GSDMB: variants seen among roughly 807,000 people sequenced by gnomAD.
GSDMB encodes gasdermin B.
Under a neutral mutation model 42.9 loss-of-function variants are expected in GSDMB, and 32 were observed. The ratio of observed to expected loss-of-function variants is 0.75; its 90% CI spans 0.56 to 1.00. The LOEUF (loss-of-function observed/expected upper bound fraction) is 1.00, where lower values mean the gene tolerates loss of function less well. Ranked by LOEUF, GSDMB falls within the 50% of genes least tolerant of loss-of-function variation. The pLI is 0.00. For synonymous variants in GSDMB, 175 were observed against 193.7 expected, an observed-to-expected ratio of 0.90 and a Z score of 0.80; for missense variants, 468 against 498.5, an observed-to-expected ratio of 0.94 and a Z score of 0.58.
chr17:39,917,255 T>C lies in GSDMB; in HGVS notation c.62A>G (p.Asp21Gly). The C allele has an allele frequency of 6.2e-7, 1 of 1,613,996 alleles. No individual in the cohort carries two copies. The highest frequency in any genetic ancestry group is 8.5e-7 in the Non-Finnish European group (1 of 1,179,872). Residue 21 changes from aspartate (D) to glycine (G), a missense_variant, in exon 2 of 11, where the codon GAT (aspartate) becomes GGT (glycine). Transcript: ENST00000418519. ...IVVKEMDAGGDMIAVRSLVDA... is the reference protein window; with the variant it reads ...IVVKEMDAGGGMIAVRSLVDA... ...AACAAGGCTTCTAACGGCAATCATA[T>C]CCCCTCCAGCATCCATCTCCTTAAC...
chr17:39,907,924 A>AG (rs1200309496), intron 6 of GSDMB, among the ~76,000 whole-genome samples: 1 of 152,050 alleles, frequency 6.6e-6, no homozygotes, highest in Non-Finnish European at 1.5e-5. Flanking sequence ...ACAAGACTTC[A>AG]GGGAGGGCTG....
Position 39,917,087 on chromosome 17 carries a change from A to T in GSDMB, c.230T>A (p.Leu77His). 1 of 1,610,778 alleles carries T rather than the reference A, an allele frequency of 6.2e-7. No homozygotes were observed. The highest frequency in any genetic ancestry group is 1.7e-5 in the Admixed American group (1 of 60,014). ...DKWLDELDSG[L>H]QGQKAEFQIL... ...GTCATCTACCTTATACTGACCTTGG[A>T]GCCCAGAATCCAGTTCATCTAACCA... The change falls in exon 2 of 11, where the codon CTC (leucine) becomes CAC (histidine). Residue 77 changes from leucine (L) to histidine (H), a missense_variant. Coordinates refer to ENST00000418519, the MANE Select transcript of GSDMB (RefSeq NM_001165958.2).
At chr17:39,909,572 A>C in intron 4 of GSDMB, 184 bp downstream of exon 4, 44 of 568,598 alleles carry the variant, frequency 7.7e-5, no homozygotes, top group East Asian at 1.7e-4. Context: ...AAAAGAGGGC[A>C]CCGCTAGAGA....
At chr17:39,912,122 A>C (rs557465709) in intron 3 of GSDMB, among the ~76,000 whole-genome samples, 2 of 152,262 alleles carry the variant, frequency 1.3e-5, no homozygotes, top group South Asian at 4.1e-4. Context: ...GTGCTTGCGT[A>C]AAGGGGAGGG....
At position 39,917,128 on chromosome 17, in the gene GSDMB, G is replaced by A; in HGVS notation, c.189C>T (p.Asp63=). 6.2e-7 allele frequency: 1 copy of A among 1,614,062 alleles called. No individual in the cohort carries two copies. Among genetic ancestry groups the A allele is most frequent in the African/African-American group, 1.3e-5 (1 of 75,032 alleles). Residue 63 remains aspartate (D), a synonymous_variant, in exon 2 of 11, where the codon GAC becomes GAT. Transcript: ENST00000418519. ...CATCTAACCACTTGTCCCCATCTGT[G>A]TCCAGAATGTCCATCAGGGTGAGGC... The part of the protein sequence containing the change: ...TTGLTLMDIL[D]TDGDKWLDEL...
In GSDMB at chr17:39,912,401, T is replaced by C. The variant is rs940632891; in HGVS notation, c.332A>G (p.Gln111Arg). 5 of 1,613,420 alleles carry C rather than the reference T, an allele frequency of 3.1e-6. No individual in the cohort carries two copies. Among genetic ancestry groups the C allele is most frequent in the Non-Finnish European group, 4.2e-6 (5 of 1,179,458 alleles). ...PKEITISGSF[Q>R]GFHHQKIKIS... ...CTTGATTTTCTGATGGTGGAAGCCC[T>C]GGAAACTGCCTGAAATTGTTATTTC... The change falls in exon 3 of 11, where the codon CAG (glutamine) becomes CGG (arginine). Residue 111 changes from glutamine to arginine, a missense_variant. Transcript: ENST00000418519.
At position 39,906,124 on chromosome 17, in the gene GSDMB, T is replaced by C; in HGVS notation, c.875A>G (p.Asp292Gly). The change falls in exon 8 of 11, where the codon GAT (aspartate) becomes GGT (glycine). Residue 292 changes from aspartate (D) to glycine (G), a missense_variant. Coordinates refer to ENST00000418519, the MANE Select transcript of GSDMB (RefSeq NM_001165958.2). ...AGGGTCCCTTACTCTTTGCTCTAGA[T>C]CCTGCCGAATATCCTCCTTGCCGAG... ...KCLGKEDIRQ[D>G]LEQRVSEVLI... is the part of the protein sequence containing the mutation. The C allele has an allele frequency of 6.2e-7, 1 of 1,614,208 alleles. No individual in the cohort carries two copies. Among genetic ancestry groups the C allele is most frequent in the Non-Finnish European group, 8.5e-7 (1 of 1,180,042 alleles).
At chr17:39,914,238 G>A (rs997964839) in intron 2 of GSDMB, among the ~76,000 whole-genome samples, 2 of 151,998 alleles carry the variant, frequency 1.3e-5, no homozygotes, top group Non-Finnish European at 1.5e-5. Flanking sequence ...CTTCCTCCCC[G>A]AGACCCAGAA....
Position 39,909,759 on chromosome 17 carries a change from G to T in GSDMB, c.573C>A (p.His191Gln), listed in dbSNP as rs2063572774. The T allele has an allele frequency of 1.2e-6, 2 of 1,613,436 alleles. No individual in the cohort carries two copies. Among genetic ancestry groups the T allele is most frequent in the African/African-American group, 2.7e-5 (2 of 74,912 alleles). Residue 191 changes from histidine to glutamine, a missense_variant, in exon 4 of 11, where the codon CAC becomes CAA. Coordinates refer to ENST00000418519, the MANE Select transcript of GSDMB (RefSeq NM_001165958.2). ...CCCTGCCTCCCAGGATCCTAACCTT[G>T]TGTTTATAGCTGAGATGGCCCTGAG... is the stretch of plus-strand genomic sequence containing the variant. ...QISQGHLSYKHKGQREVTIPP... is the reference protein window; with the variant it reads ...QISQGHLSYKQKGQREVTIPP...
At chr17:39,914,716 C>T (rs899240319) in intron 2 of GSDMB, among the ~76,000 whole-genome samples, 1 of 146,254 alleles carries the variant, frequency 6.8e-6, no homozygotes, top group Non-Finnish European at 1.5e-5. Flanking sequence ...GAGCCGAGAT[C>T]GCGCCACTGC....
chr17:39,914,998 A>G (rs2063683778), intron 2 of GSDMB, among the ~76,000 whole-genome samples: 1 of 151,906 alleles, frequency 6.6e-6, no homozygotes, highest in Non-Finnish European at 1.5e-5. Context: ...CACCACGCCC[A>G]GCTAATTTTT....
chr17:39,909,315 T>A (rs1010243475), intron 4 of GSDMB: 7 of 457,342 alleles, frequency 1.5e-5, no homozygotes, highest in African/African-American at 1.4e-4. Context: ...CTAGGCACCA[T>A]GGCTCCTGTC....
chr17:39,905,022 A>C, intron 10 of GSDMB, 58 bp from the exon 11 acceptor site: 1 of 1,471,442 alleles, frequency 6.8e-7, no homozygotes, highest in Non-Finnish European at 9.5e-7. Context: ...CAGAAATGGC[A>C]AATATTTGGC....
At chr17:39,911,955 A>T (rs1204786097) in intron 3 of GSDMB, among the ~76,000 whole-genome samples, 2 of 151,008 alleles carry the variant, frequency 1.3e-5, no homozygotes, top group Non-Finnish European at 3.0e-5. Context: ...CAAAACAAAA[A>T]CCAAACAAAA....
intron 1 of GSDMB, chr17:39,917,674 C>A (rs2063739711): frequency 6.8e-6 from 2 of 294,742 alleles, no homozygotes; most frequent in Admixed American, 4.7e-5. Context: ...TGAGAATGTA[C>A]TTTGTAAGCC....
Position 39,912,313 on chromosome 17 carries a change from A to T in GSDMB, c.407+13T>A. On this transcript the variant is annotated intron_variant, in intron 3 of 10. Transcript: ENST00000418519. ...TCTTCCCCTCCTTCCCTGCTGCCCA[A>T]CTCCAACCTCACCTGTTTTCAAGGG... The T allele has an allele frequency of 6.2e-7, 1 of 1,609,966 alleles. No individual in the cohort carries two copies. The highest frequency in any genetic ancestry group is 8.5e-7 in the Non-Finnish European group (1 of 1,177,064).
intron 4 of GSDMB, 177 bp downstream of exon 4, chr17:39,909,579 G>C (rs2063568901): frequency 1.7e-6 from 1 of 605,590 alleles, no homozygotes; most frequent in African/African-American, 1.8e-5. Context: ...GGCACCGCTA[G>C]AGAGTAACAA....
At chr17:39,908,564 G>A (rs1354695003) in intron 5 of GSDMB, among the ~76,000 whole-genome samples, 2 of 151,988 alleles carry the variant, frequency 1.3e-5, no homozygotes, top group African/African-American at 2.4e-5. Flanking sequence ...ATTTTTAGTA[G>A]AGACAGGGTT....
chr17:39,917,590 G>T (rs201413617), intron 1 of GSDMB: 12 of 92,676 alleles, frequency 1.3e-4, no homozygotes, highest in East Asian at 1.5e-3. Context: ...TCTCCCCGCC[G>T]CCGCCCTTAA....
Sources: allele counts gnomAD v4.1 joint callset (sites outside exome capture counted in the v4.1 genomes callset), GRCh38; gene constraint gnomAD v4.1.1; transcripts MANE v1.5; gene names NCBI Gene and HGNC (gene_info 2026-07-23, HGNC 2026-07-21).